The following CDKAL1 variants were observed in gnomAD, a reference collection of about 807,000 sequenced individuals.
The protein encoded by CDKAL1 is threonylcarbamoyladenosine tRNA methylthiotransferase.
Under a neutral mutation model 68.2 loss-of-function variants are expected in CDKAL1, and 32 were observed. The ratio of observed to expected loss-of-function variants is 0.47; its 90% CI spans 0.35 to 0.63. The LOEUF is 0.63. Among genes scored for constraint, CDKAL1 ranks in the 30% least tolerant of loss-of-function variants. The pLI, the probability that CDKAL1 is intolerant of heterozygous loss-of-function variation, is 0.00. For synonymous variants in CDKAL1, 234 were observed against 244.3 expected, an observed-to-expected ratio of 0.96 and a Z score of 0.39; for missense variants, 606 against 696.7, an observed-to-expected ratio of 0.87 and a Z score of 1.47.
chr6:20,629,318 C>A (rs1767571469), intron 4 of CDKAL1, among the ~76,000 whole-genome samples: 1 of 152,086 alleles, frequency 6.6e-6, no homozygotes, highest in Non-Finnish European at 1.5e-5. Context: ...TCAAGTAACA[C>A]CTGACTTTGA....
chr6:20,873,676 T>C (rs1447496061), intron 9 of CDKAL1, among the ~76,000 whole-genome samples: 1 of 152,188 alleles, frequency 6.6e-6, no homozygotes, highest in Non-Finnish European at 1.5e-5. Flanking sequence ...GGAGGGCCAT[T>C]GTCCCACCCT....
At chr6:20,928,973 G>C (rs1416831798) in intron 9 of CDKAL1, among the ~76,000 whole-genome samples, 2 of 152,148 alleles carry the variant, frequency 1.3e-5, no homozygotes, top group Non-Finnish European at 2.9e-5. Context: ...ATATTGTTTT[G>C]AGTTCCATCT....
chr6:20,571,577 A>G (rs1416619659), intron 4 of CDKAL1, among the ~76,000 whole-genome samples: 1 of 152,082 alleles, frequency 6.6e-6, no homozygotes, highest in Non-Finnish European at 1.5e-5. Flanking sequence ...CCCTGTAAAA[A>G]CATAGTTTAT....
intron 7 of CDKAL1, among the ~76,000 whole-genome samples, chr6:20,777,717 C>G (rs1176972433): frequency 6.6e-6 from 1 of 152,162 alleles, no homozygotes. Flanking sequence ...ATGAGAGATA[C>G]ATTCCAAGAT....
At chr6:20,703,315 A>G (rs1262752347) in intron 5 of CDKAL1, among the ~76,000 whole-genome samples, 1 of 152,168 alleles carries the variant, frequency 6.6e-6, no homozygotes, top group African/African-American at 2.4e-5. Context: ...GACTGCATTC[A>G]CAATATTAGT....
intron 9 of CDKAL1, among the ~76,000 whole-genome samples, chr6:20,941,667 A>G (rs779842324): frequency 6.6e-6 from 1 of 152,248 alleles, no homozygotes; most frequent in African/African-American, 2.4e-5. Context: ...GTGATAAGCC[A>G]TGAAGAGGGA....
At chr6:20,757,403 A>G (rs1360605162) in intron 6 of CDKAL1, among the ~76,000 whole-genome samples, 2 of 152,182 alleles carry the variant, frequency 1.3e-5, no homozygotes, top group Non-Finnish European at 2.9e-5. Context: ...TGAATGAAAT[A>G]GACCTATAGA....
chr6:20,987,770 T>C (rs1333357404), intron 10 of CDKAL1, among the ~76,000 whole-genome samples: 2 of 152,058 alleles, frequency 1.3e-5, no homozygotes, highest in Admixed American at 1.3e-4. Flanking sequence ...CTCTTGACTA[T>C]AGACACATCA....
At chr6:20,545,521 C>A (rs1763564248) in intron 2 of CDKAL1, among the ~76,000 whole-genome samples, 1 of 152,098 alleles carries the variant, frequency 6.6e-6, no homozygotes, top group South Asian at 2.1e-4. Context: ...ACTGCAACCT[C>A]TGCCTCCTGG....
At chr6:20,732,250 CT>C (rs1772971288) in intron 5 of CDKAL1, among the ~76,000 whole-genome samples, 1 of 119,660 alleles carries the variant, frequency 8.4e-6, no homozygotes, top group African/African-American at 3.2e-5. Context: ...TTTTCTTTTT[CT>C]TTTCTTTCTT....
At chr6:20,823,660 T>C (rs996596168) in intron 8 of CDKAL1, among the ~76,000 whole-genome samples, 7 of 152,180 alleles carry the variant, frequency 4.6e-5, no homozygotes, top group Non-Finnish European at 7.3e-5. Context: ...ATCAGAACTG[T>C]CTGAATTATC....
chr6:20,592,519 A>C (rs183342894), intron 4 of CDKAL1, among the ~76,000 whole-genome samples: 170 of 140,894 alleles, frequency 1.2e-3, no homozygotes, highest in African/African-American at 4.1e-3. Flanking sequence ...CCCAGGCTGG[A>C]GTGCAATGGT....
At chr6:20,923,480 T>C (rs1470124176) in intron 9 of CDKAL1, among the ~76,000 whole-genome samples, 2 of 152,200 alleles carry the variant, frequency 1.3e-5, no homozygotes, top group Non-Finnish European at 2.9e-5. Context: ...TTGAGGTTAC[T>C]ATTATAATTG....
chr6:20,982,604 C>CA (rs1766214128), intron 10 of CDKAL1, among the ~76,000 whole-genome samples: 1 of 148,710 alleles, frequency 6.7e-6, no homozygotes, highest in Non-Finnish European at 1.5e-5. Flanking sequence ...GAACAAAATC[C>CA]AAAAAAAGAA....
At chr6:20,691,393 T>C (rs1269476405) in intron 5 of CDKAL1, among the ~76,000 whole-genome samples, 1 of 151,856 alleles carries the variant, frequency 6.6e-6, no homozygotes, top group Non-Finnish European at 1.5e-5. Context: ...TGATTGATAA[T>C]AGAGCTTACA....
At chr6:20,814,603 T>C (rs1776965560) in intron 8 of CDKAL1, among the ~76,000 whole-genome samples, 1 of 152,232 alleles carries the variant, frequency 6.6e-6, no homozygotes, top group Non-Finnish European at 1.5e-5. Flanking sequence ...GCTTTTAATG[T>C]TGTTATGCAG....
In CDKAL1 at chr6:20,769,897, C is replaced by G. The variant is rs192028161; in HGVS notation, c.518-11248C>G. Among the ~76,000 whole-genome samples, 239 of 152,246 alleles carry G rather than the reference C, an allele frequency of 1.6e-3. 1 individual carries two copies. Among genetic ancestry groups the G allele is most frequent in the Non-Finnish European group, 5.3e-4 (36 of 68,018 alleles). ...ACCTAGTCCCCTTGTTCCACATACC[C>G]TCCTTTCTATTCTGTGAAGCTGTTA... On this transcript the variant is annotated intron_variant, in intron 7 of 15. Coordinates refer to ENST00000274695, the MANE Select transcript of CDKAL1 (RefSeq NM_017774.3).
At chr6:20,544,595 C>CAAA (rs747920604) in intron 2 of CDKAL1, among the ~76,000 whole-genome samples, 5 of 56,706 alleles carry the variant, frequency 8.8e-5, no homozygotes, top group African/African-American at 1.4e-4. Flanking sequence ...AACTCCGTCT[C>CAAA]AAAAAAAAAA....
intron 6 of CDKAL1, among the ~76,000 whole-genome samples, chr6:20,750,357 G>C (rs1773862871): frequency 6.6e-6 from 1 of 152,134 alleles, no homozygotes; most frequent in African/African-American, 2.4e-5. Flanking sequence ...ATTTTTCACT[G>C]TTATGTCCCC....
Sources: allele counts gnomAD v4.1 joint callset (sites outside exome capture counted in the v4.1 genomes callset), GRCh38; gene constraint gnomAD v4.1.1; transcripts MANE v1.5; gene names NCBI Gene and HGNC (gene_info 2026-07-23, HGNC 2026-07-21).